The following GK5 variants were observed in gnomAD, a reference collection of about 807,000 sequenced individuals.
GK5 encodes glycerol kinase 5.
Under a neutral mutation model 77.3 loss-of-function variants are expected in GK5, and 39 were observed. The ratio of observed to expected loss-of-function variants is 0.50; its 90% CI spans 0.39 to 0.66. The LOEUF (loss-of-function observed/expected upper bound fraction) is 0.66, where lower values mean the gene tolerates loss of function less well. GK5 is among the 30% of genes least tolerant of loss of function. The pLI is 0.00. For synonymous variants in GK5, 211 were observed against 208.0 expected (o/e 1.01, Z -0.13); for missense variants, 487 against 633.8 (o/e 0.77, Z 2.49).
intron 11 of GK5, among the ~76,000 whole-genome samples, chr3:142,179,290 C>G (rs1360299326): frequency 2.6e-5 from 4 of 152,164 alleles, no homozygotes; most frequent in Non-Finnish European, 5.9e-5. Flanking sequence ...AAATTTTACT[C>G]AAAATGACAG....
intron 6 of GK5, 63 bp downstream of exon 6, chr3:142,187,615 AAAAAAAGTAACTTCTACTTTTTTTAG>A: frequency 9.9e-7 from 1 of 1,007,812 alleles, no homozygotes; most frequent in African/African-American, 1.6e-5. Flanking sequence ...AAAAAAAAAA[AAAAAAAGTAACTTCTACTTTTTTTAG>A]GCAAATCATT....
At chr3:142,183,176 T>TAA in intron 9 of GK5, 127 bp from the exon 10 acceptor site, 5 of 710,196 alleles carry the variant, frequency 7.0e-6, no homozygotes, top group Admixed American at 3.3e-5. Context: ...TCCTTAAAAT[T>TAA]AAAAAAAAAA....
At chr3:142,210,923 C>G (rs1376466975) in intron 3 of GK5, among the ~76,000 whole-genome samples, 2 of 147,074 alleles carry the variant, frequency 1.4e-5, no homozygotes, top group Non-Finnish European at 2.9e-5. Context: ...CCTGAGAATA[C>G]TCCTCCCTCC....
chr3:142,177,775 T>C (rs563949531), intron 11 of GK5, among the ~76,000 whole-genome samples, 199 bp from the exon 12 acceptor site: 4 of 152,190 alleles, frequency 2.6e-5, no homozygotes, highest in Non-Finnish European at 4.4e-5. Flanking sequence ...ACTGCATAGG[T>C]TTCCAGGCCC....
rs1207789605 is a variant in GK5 at position 142,164,745 on chromosome 3, T to C, written c.*877A>G. ...AATTAAGCTCTGTCAATTAGGCACT[T>C]AATAAAAACAAAAGACATTTATACA... On this transcript the variant is annotated 3_prime_UTR_variant, in exon 16 of 16. Transcript: ENST00000392993. The C allele has an allele frequency of 6.6e-6, 1 of 152,086 alleles. No individual in the cohort carries two copies. Among genetic ancestry groups the C allele is most frequent in the Non-Finnish European group, 1.5e-5 (1 of 68,014 alleles). The allele number at this position is 152,086 out of a possible 1,614,324, so 9.4% of individuals were successfully genotyped here. A position where few individuals can be genotyped will look rare whatever the true frequency, so the allele number is the denominator to read the frequency against.
At chr3:142,189,696 T>C (rs1038335513) in intron 5 of GK5, among the ~76,000 whole-genome samples, 3 of 152,282 alleles carry the variant, frequency 2.0e-5, no homozygotes, top group African/African-American at 7.2e-5. Flanking sequence ...CCCCCTCACG[T>C]TGGCTAAGGA....
chr3:142,180,251 A>G (rs192556733), intron 11 of GK5, among the ~76,000 whole-genome samples: 1 of 152,080 alleles, frequency 6.6e-6, no homozygotes, highest in African/African-American at 2.4e-5. Context: ...AGAGGCAACC[A>G]AAACTCAAAG....
rs2108774672 is a variant in GK5 at position 142,159,724 on chromosome 3, A to G, written c.*5898T>C. The G allele has an allele frequency of 6.6e-6, 1 of 152,218 alleles. No homozygotes were observed. The highest frequency in any genetic ancestry group is 2.1e-4 in the South Asian group (1 of 4,818). 9.4% of individuals were successfully genotyped at this position (152,218 alleles called of 1,614,324 possible). A position where few individuals can be genotyped will look rare whatever the true frequency, so the allele number is the denominator to read the frequency against. On this transcript the variant is annotated 3_prime_UTR_variant, in exon 16 of 16. Transcript: ENST00000392993. ...TGAATCATCTATTTAACTTTTTTAG[A>G]TTACCCATTTTGACTGGTTCGAACC...
At chr3:142,222,086 TTC>T (rs1190358603) in intron 1 of GK5, among the ~76,000 whole-genome samples, 1 of 152,206 alleles carries the variant, frequency 6.6e-6, no homozygotes, top group Non-Finnish European at 1.5e-5. Flanking sequence ...CACAATCAAG[TTC>T]TGTGTCTAAG....
At chr3:142,194,861 T>G (rs764136084) in intron 5 of GK5, among the ~76,000 whole-genome samples, 6 of 150,560 alleles carry the variant, frequency 4.0e-5, no homozygotes, top group Non-Finnish European at 7.4e-5. Flanking sequence ...TAGTTGCCTT[T>G]TATTACATTG....
intron 1 of GK5, among the ~76,000 whole-genome samples, chr3:142,218,344 G>C (rs1029343831): frequency 6.8e-6 from 1 of 146,054 alleles, no homozygotes; most frequent in Non-Finnish European, 1.5e-5. Context: ...ACCAGCTTGG[G>C]CAACGCGGTG....
intron 1 of GK5, among the ~76,000 whole-genome samples, chr3:142,223,322 G>A (rs570168610): frequency 1.3e-5 from 2 of 152,356 alleles, no homozygotes; most frequent in African/African-American, 4.8e-5. Context: ...AGTACTTTGT[G>A]TCTAGAATTA....
At chr3:142,166,814 T>C (rs6786140) in intron 15 of GK5, among the ~76,000 whole-genome samples, 73,330 of 152,070 alleles carry the variant, frequency 0.48, 19,737 homozygotes, top group African/African-American at 0.73. Context: ...GGATTACAGG[T>C]GTGAGCCACA....
chr3:142,192,923 A>G lies in GK5; in HGVS notation c.544-5144T>C, dbSNP rs567906640. Among the ~76,000 whole-genome samples the G allele has an allele frequency of 2.6e-5, 4 of 152,318 alleles. No homozygotes were observed. In the South Asian group the frequency reaches 8.3e-4, roughly 32 times the overall value. On this transcript the variant is annotated intron_variant, in intron 5 of 15. Transcript: ENST00000392993. ...AAAGAAGCCAGTCTGTAAAGTCTATATACTATATGATTCCAACTATATGAT... is the reference window on the plus strand; with the variant it reads ...AAAGAAGCCAGTCTGTAAAGTCTATGTACTATATGATTCCAACTATATGAT...
At position 142,160,599 on chromosome 3, in the gene GK5, T is replaced by C. The variant is rs1192493388; in HGVS notation, c.*5023A>G. 2 of 152,250 alleles carry C rather than the reference T, an allele frequency of 1.3e-5. No homozygotes were observed. Among genetic ancestry groups the C allele is most frequent in the Non-Finnish European group, 2.9e-5 (2 of 68,040 alleles). The allele number at this position is 152,250 out of a possible 1,614,324, so 9.4% of individuals were successfully genotyped here. A position where few individuals can be genotyped will look rare whatever the true frequency, so the allele number is the denominator to read the frequency against. On this transcript the variant is annotated 3_prime_UTR_variant, in exon 16 of 16. Transcript: ENST00000392993. Reference sequence around the variant, plus strand: ...AATCTGTTAGTCATCTGCAGTCAAATATATAAAACCTGTGAAGAGAAAGGC... The same window carrying C: ...AATCTGTTAGTCATCTGCAGTCAAACATATAAAACCTGTGAAGAGAAAGGC...
intron 9 of GK5, chr3:142,184,946 G>A (rs1577119370): frequency 1.0e-6 from 1 of 985,418 alleles, no homozygotes; most frequent in African/African-American, 1.7e-5. Flanking sequence ...TGCCTAGATT[G>A]AATAAGACCG....
chr3:142,180,429 A>C (rs2063679833), intron 11 of GK5, among the ~76,000 whole-genome samples: 2 of 151,432 alleles, frequency 1.3e-5, no homozygotes, highest in African/African-American at 4.9e-5. Flanking sequence ...CAGCCTCCAG[A>C]GTAGCTGGGA....
intron 5 of GK5, among the ~76,000 whole-genome samples, chr3:142,192,592 C>T (rs1365992646): frequency 1.3e-5 from 2 of 151,816 alleles, no homozygotes; most frequent in Admixed American, 6.6e-5. Context: ...GATGAAATCC[C>T]GTCTCTACTA....
At chr3:142,210,691 T>C (rs535826489) in intron 3 of GK5, among the ~76,000 whole-genome samples, 2 of 152,344 alleles carry the variant, frequency 1.3e-5, no homozygotes, top group East Asian at 1.9e-4. Context: ...AGAAGTCTTA[T>C]CCCTCTACAA....
Sources: allele counts gnomAD v4.1 joint callset (sites outside exome capture counted in the v4.1 genomes callset), GRCh38; gene constraint gnomAD v4.1.1; transcripts MANE v1.5; gene names NCBI Gene and HGNC (gene_info 2026-07-23, HGNC 2026-07-21).